The following PTPRO variants were observed in gnomAD, a reference collection of about 807,000 sequenced individuals.
The protein encoded by PTPRO is protein tyrosine phosphatase receptor type O.
PTPRO carries 62 observed loss-of-function variants against 145.2 expected under a neutral mutation model. The ratio of observed to expected loss-of-function variants is 0.43; its 90% CI spans 0.35 to 0.53. The LOEUF is 0.53. PTPRO is among the 20% of genes least tolerant of loss of function. The pLI, the probability that PTPRO is intolerant of heterozygous loss-of-function variation, is 0.01. For synonymous variants in PTPRO, 565 were observed against 514.7 expected (o/e 1.10, Z -1.32); for missense variants, 1,345 against 1,482.7 (o/e 0.91, Z 1.53).
intron 1 of PTPRO, among the ~76,000 whole-genome samples, chr12:15,329,706 A>G (rs1170372517): frequency 6.6e-6 from 1 of 152,184 alleles, no homozygotes; most frequent in African/African-American, 2.4e-5. Context: ...ACAGAAGTGG[A>G]TAATACTCAG....
At chr12:15,436,951 T>A (rs1591810355) in intron 1 of PTPRO, among the ~76,000 whole-genome samples, 1 of 152,150 alleles carries the variant, frequency 6.6e-6, no homozygotes, top group African/African-American at 2.4e-5. Flanking sequence ...CTGGAACTGA[T>A]CTGTGTGTGC....
intron 12 of PTPRO, among the ~76,000 whole-genome samples, chr12:15,535,789 C>T (rs1943055063): frequency 6.6e-6 from 1 of 152,134 alleles, no homozygotes; most frequent in African/African-American, 2.4e-5. Flanking sequence ...ACTTTCCGTT[C>T]CTCTTTGGAA....
chr12:15,537,472 C>A (rs1009583160), intron 12 of PTPRO, among the ~76,000 whole-genome samples: 2 of 151,930 alleles, frequency 1.3e-5, no homozygotes, highest in African/African-American at 4.8e-5. Context: ...AAAGCCTCAG[C>A]GAGTGGAGAT....
intron 13 of PTPRO, among the ~76,000 whole-genome samples, chr12:15,547,430 T>C (rs11056553): frequency 0.03 from 4,495 of 152,332 alleles, 114 homozygotes; most frequent in Middle Eastern, 0.048. Flanking sequence ...TTAGGGATTT[T>C]ACATAATATA....
intron 22 of PTPRO, 88 bp from the exon 23 acceptor site, chr12:15,581,591 G>A (rs1591765962): frequency 6.8e-7 from 1 of 1,476,046 alleles, no homozygotes; most frequent in East Asian, 2.3e-5. Flanking sequence ...ATTCTTTAGA[G>A]GCGAATACCT....
intron 2 of PTPRO, among the ~76,000 whole-genome samples, chr12:15,495,647 C>G (rs1262745774): frequency 6.6e-6 from 1 of 151,794 alleles, no homozygotes; most frequent in African/African-American, 2.4e-5. Context: ...GCTGGACCAC[C>G]TGGAAACACC....
chr12:15,454,849 T>C (rs1208134110), intron 1 of PTPRO, among the ~76,000 whole-genome samples: 2 of 152,198 alleles, frequency 1.3e-5, no homozygotes, highest in Admixed American at 6.6e-5. Flanking sequence ...CATTTTCCCA[T>C]TGTGTGTAGT....
At chr12:15,522,137 G>A (rs1424079404) in intron 10 of PTPRO, among the ~76,000 whole-genome samples, 1 of 152,046 alleles carries the variant, frequency 6.6e-6, no homozygotes, top group Non-Finnish European at 1.5e-5. Flanking sequence ...CTCACAGTAT[G>A]TGTGAGAATT....
intron 1 of PTPRO, among the ~76,000 whole-genome samples, chr12:15,433,475 G>A (rs1221330383): frequency 2.6e-5 from 4 of 152,206 alleles, no homozygotes; most frequent in African/African-American, 4.8e-5. Context: ...CAGCCACCAT[G>A]CCCAGCCAGT....
chr12:15,405,159 C>T (rs768914521), intron 1 of PTPRO, among the ~76,000 whole-genome samples: 10 of 152,120 alleles, frequency 6.6e-5, no homozygotes, highest in Admixed American at 2.0e-4. Flanking sequence ...ACATTTAGTC[C>T]ATAGCAGATA....
At chr12:15,385,557 G>C (rs1245121043) in intron 1 of PTPRO, among the ~76,000 whole-genome samples, 1 of 152,152 alleles carries the variant, frequency 6.6e-6, no homozygotes, top group African/African-American at 2.4e-5. Flanking sequence ...GCTCACACCT[G>C]TAATCCCAGC....
At chr12:15,511,883 G>A (rs1207635762) in intron 7 of PTPRO, among the ~76,000 whole-genome samples, 4 of 151,894 alleles carry the variant, frequency 2.6e-5, no homozygotes, top group Non-Finnish European at 5.9e-5. Flanking sequence ...TATTTAAACA[G>A]CTATGATTCC....
At chr12:15,426,348 C>T (rs188318903) in intron 1 of PTPRO, among the ~76,000 whole-genome samples, 3 of 151,810 alleles carry the variant, frequency 2.0e-5, no homozygotes, top group East Asian at 3.9e-4. Flanking sequence ...TAGTCATATC[C>T]GTGAAAATTG....
intron 1 of PTPRO, among the ~76,000 whole-genome samples, chr12:15,415,561 T>G (rs1939941317): frequency 6.8e-6 from 1 of 148,136 alleles, no homozygotes; most frequent in African/African-American, 2.7e-5. Context: ...ATTTTTTGTA[T>G]TTTTAGTAGA....
intron 1 of PTPRO, among the ~76,000 whole-genome samples, chr12:15,426,857 T>C (rs1188989498): frequency 6.6e-6 from 1 of 152,076 alleles, no homozygotes; most frequent in East Asian, 1.9e-4. Context: ...TGCATTTTTA[T>C]TTGCTCAATC....
chr12:15,581,643 T>A (rs1450529981), intron 22 of PTPRO, 36 bp from the exon 23 acceptor site: 4 of 1,609,406 alleles, frequency 2.5e-6, no homozygotes, highest in Non-Finnish European at 3.4e-6. Context: ...TTTCCTAGCC[T>A]GTTTGTTTTA....
intron 18 of PTPRO, among the ~76,000 whole-genome samples, chr12:15,566,967 G>T (rs1785244050): frequency 6.6e-6 from 1 of 152,196 alleles, no homozygotes; most frequent in African/African-American, 2.4e-5. Flanking sequence ...ACCAAAAACT[G>T]TTGGTTGGGT....
chr12:15,447,266 G>T (rs760450394), intron 1 of PTPRO, among the ~76,000 whole-genome samples: 2 of 152,028 alleles, frequency 1.3e-5, no homozygotes, highest in Non-Finnish European at 2.9e-5. Flanking sequence ...AAGTATAAAT[G>T]ACATGAAAGA....
intron 5 of PTPRO, among the ~76,000 whole-genome samples, chr12:15,502,447 A>G (rs1942241132): frequency 2.0e-5 from 3 of 152,168 alleles, no homozygotes; most frequent in Non-Finnish European, 4.4e-5. Flanking sequence ...TCATATGCAA[A>G]TTTTTAAACA....
Sources: gnomAD v4.1 joint callset for allele counts (sites outside exome capture counted in the v4.1 genomes callset) on GRCh38, gnomAD v4.1.1 for gene constraint, MANE v1.5 for transcripts, NCBI Gene and HGNC (gene_info 2026-07-23, HGNC 2026-07-21) for gene names.